The following SLC9A8 variants were observed in gnomAD, a reference collection of about 807,000 sequenced individuals.
SLC9A8 encodes sodium/hydrogen exchanger 8.
In SLC9A8, 48 loss-of-function variants were observed where a neutral mutation model predicts 66.6. That is an observed-to-expected ratio of 0.72 (90% CI 0.57 to 0.92). The LOEUF (loss-of-function observed/expected upper bound fraction) is 0.92. Ranked by LOEUF, SLC9A8 falls within the 40% of genes least tolerant of loss-of-function variation. SLC9A8 has a pLI of 0.00. For synonymous variants in SLC9A8, 274 were observed against 282.6 expected (o/e 0.97, Z 0.31); for missense variants, 599 against 747.3 (o/e 0.80, Z 2.31).
rs1568882791 is a variant in SLC9A8, at chr20:49,884,213, CACACACACACACACACACACACACACACG to C, written c.1491+164_1491+192del. ...TCCACACACACGACACACACACACA[CACACACACACACACACACACACACACACG>C]ACACACACACACACACGACACACAC... On this transcript the variant is annotated intron_variant, in intron 14 of 15. Transcript: ENST00000361573. The C allele has an allele frequency of 2.8e-4, 96 of 349,082 alleles. 1 individual carries two copies. Among genetic ancestry groups the C allele is most frequent in the African/African-American group, 8.6e-4 (17 of 19,786 alleles). 21.6% of individuals were successfully genotyped at this position (349,082 alleles called of 1,614,324 possible).
chr20:49,823,016 A>G lies in SLC9A8; in HGVS notation c.209-45A>G, dbSNP rs1228568770. 4.0e-6 allele frequency: 6 copies of G among 1,495,338 alleles called. No individual in the cohort carries two copies. In the Admixed American group the frequency reaches 6.7e-5, roughly 17 times the overall value. 92.6% of individuals were successfully genotyped at this position (1,495,338 alleles called of 1,614,324 possible). A position where few individuals can be genotyped will look rare whatever the true frequency, so the allele number is the denominator to read the frequency against. On this transcript the variant is annotated intron_variant, in intron 2 of 15. Transcript: ENST00000361573. ...TTGAACTTGGTGTTTATCATTCAGA[A>G]TTGAGTGTTTTTTTTAAAACATTGT...
At chr20:49,821,189 G>A (rs185298635) in intron 2 of SLC9A8, among the ~76,000 whole-genome samples, 6 of 152,222 alleles carry the variant, frequency 3.9e-5, no homozygotes, top group Admixed American at 1.3e-4. Flanking sequence ...TCTTAAAGCC[G>A]CAAAGAGTTG....
Position 49,886,954 on chromosome 20 carries a change from A to G in SLC9A8, c.1638+56A>G. On this transcript the variant is annotated intron_variant, in intron 15 of 15. Transcript: ENST00000361573. The surrounding 1 kb of genome is among the most constrained non-coding windows in gnomAD (Gnocchi z 4.8). ...GGGTCCCTTGCCTGCCTCCTTCAGG[A>G]CCTGCGGTGGCCCAGGGTGGGGTGG... 1 of 1,560,318 alleles carries G rather than the reference A, an allele frequency of 6.4e-7. No homozygotes were observed. The highest frequency in any genetic ancestry group is 8.7e-7 in the Non-Finnish European group (1 of 1,148,072).
chr20:49,816,704 T>C (rs6095673), intron 2 of SLC9A8, among the ~76,000 whole-genome samples: 13,125 of 151,968 alleles, frequency 0.086, 668 homozygotes, highest in Middle Eastern at 0.13. Context: ...AAGGAATAAA[T>C]AGCTTTGAGT....
At chr20:49,879,593 G>A (rs954305081) in intron 12 of SLC9A8, among the ~76,000 whole-genome samples, 1 of 152,218 alleles carries the variant, frequency 6.6e-6, no homozygotes, top group African/African-American at 2.4e-5. Context: ...GGGAGGCTGA[G>A]GCGGGTGGAT....
At chr20:49,864,082 A>C (rs2088862617) in intron 9 of SLC9A8, 1 of 152,232 alleles carries the variant, frequency 6.6e-6, no homozygotes, top group Non-Finnish European at 1.5e-5. Context: ...CTTTAAAAAA[A>C]AAAAGTATCT....
chr20:49,887,721 C>G (rs1488386862), intron 15 of SLC9A8, 108 bp from the exon 16 acceptor site: 1 of 783,030 alleles, frequency 1.3e-6, no homozygotes, highest in Non-Finnish European at 2.1e-6. Context: ...ATCACCCTGC[C>G]TCCCACCTCC....
At chr20:49,862,556 C>CGGT (rs2088788350) in intron 8 of SLC9A8, among the ~76,000 whole-genome samples, 1 of 152,134 alleles carries the variant, frequency 6.6e-6, no homozygotes, top group African/African-American at 2.4e-5. Context: ...CCACCACGCC[C>CGGT]GGCATCAGCC....
chr20:49,848,329 T>C (rs980331220), intron 5 of SLC9A8, among the ~76,000 whole-genome samples: 2 of 152,226 alleles, frequency 1.3e-5, no homozygotes, highest in Admixed American at 1.3e-4. Context: ...TTAAAATTCT[T>C]TGTGCAGTAA....
intron 1 of SLC9A8, among the ~76,000 whole-genome samples, chr20:49,814,401 GTTA>G (rs765205757): frequency 1.3e-5 from 2 of 152,192 alleles, no homozygotes; most frequent in East Asian, 3.9e-4. Context: ...CACAGTAACA[GTTA>G]TTATAGCAAT....
chr20:49,837,664 G>A (rs1046876900), intron 3 of SLC9A8, among the ~76,000 whole-genome samples: 7 of 152,032 alleles, frequency 4.6e-5, no homozygotes, highest in African/African-American at 1.7e-4. Context: ...CTGCCTCCTG[G>A]GTTCAAGTGA....
At chr20:49,847,295 T>C (rs1360507979) in intron 5 of SLC9A8, among the ~76,000 whole-genome samples, 3 of 151,932 alleles carry the variant, frequency 2.0e-5, no homozygotes, top group African/African-American at 7.3e-5. Flanking sequence ...GATATGAAAA[T>C]ATTTCAAAAC....
intron 2 of SLC9A8, among the ~76,000 whole-genome samples, chr20:49,820,232 C>T (rs763644466): frequency 2.6e-4 from 40 of 151,692 alleles, no homozygotes; most frequent in Non-Finnish European, 5.0e-4. Flanking sequence ...CTCATACCTG[C>T]AATCTCAGCA....
intron 7 of SLC9A8, among the ~76,000 whole-genome samples, chr20:49,852,129 C>T (rs1372633877): frequency 2.0e-5 from 3 of 152,104 alleles, no homozygotes; most frequent in South Asian, 2.1e-4. Context: ...CCCACACAGC[C>T]GCAGGGCCTG....
chr20:49,834,214 TAC>T (rs1355760521), intron 3 of SLC9A8, among the ~76,000 whole-genome samples: 79 of 112,102 alleles, frequency 7.0e-4, no homozygotes, highest in African/African-American at 2.8e-3. Context: ...TATATATATA[TAC>T]ACACACACAC....
chr20:49,836,223 C>T (rs2087529205), intron 3 of SLC9A8, among the ~76,000 whole-genome samples: 2 of 152,162 alleles, frequency 1.3e-5, no homozygotes, highest in Non-Finnish European at 2.9e-5. Flanking sequence ...AAGATTCTTC[C>T]ATGTTCTGGC....
intron 7 of SLC9A8, among the ~76,000 whole-genome samples, chr20:49,853,252 T>A (rs1323617561): frequency 6.6e-6 from 1 of 152,186 alleles, no homozygotes; most frequent in Non-Finnish European, 1.5e-5. Flanking sequence ...CAAGCTGTCC[T>A]CCTGCCTCAG....
At chr20:49,814,858 T>G in intron 1 of SLC9A8, 150 bp from the exon 2 acceptor site, 1 of 547,054 alleles carries the variant, frequency 1.8e-6, no homozygotes, top group South Asian at 3.6e-5. Flanking sequence ...GGCAGGGATT[T>G]TCTTAGTAAG....
At position 49,834,422 on chromosome 20, in the gene SLC9A8, ATATATATACTGTATATATATATATATACT is replaced by A. The variant is rs1568814226; in HGVS notation, c.290-5118_290-5090del. Among the ~76,000 whole-genome samples the A allele has an allele frequency of 2.0e-4, 8 of 39,966 alleles. 1 individual carries two copies. The highest frequency in any genetic ancestry group is 7.4e-4 in the Admixed American group (3 of 4,034). The allele number at this position is 39,966 out of a possible 152,430, so 26.2% of individuals were successfully genotyped here. On this transcript the variant is annotated intron_variant, in intron 3 of 15. Coordinates refer to ENST00000361573, the MANE Select transcript of SLC9A8 (RefSeq NM_015266.3). ...TATACTGTGTATATATATATACTGT[ATATATATACTGTATATATATATATATACT>A]GTATATATATATACTGTGTATATAT...
Sources: allele counts gnomAD v4.1 joint callset (sites outside exome capture counted in the v4.1 genomes callset), GRCh38; gene constraint gnomAD v4.1.1; non-coding constraint Gnocchi (gnomAD v3.1); transcripts MANE v1.5; gene names NCBI Gene and HGNC (gene_info 2026-07-23, HGNC 2026-07-21).